Variants in SYT1 observed in about 807,000 individuals in gnomAD.
SYT1 encodes synaptotagmin-1.
In SYT1, 8 loss-of-function variants were observed where a neutral mutation model predicts 44.8. That is an observed-to-expected ratio of 0.18 (90% CI 0.10 to 0.32). The LOEUF is 0.32. SYT1 is among the 10% of genes least tolerant of loss of function. The pLI, the probability that SYT1 is intolerant of heterozygous loss-of-function variation, is 1.00. For synonymous variants in SYT1, 154 were observed against 188.8 expected, an observed-to-expected ratio of 0.82 and a Z score of 1.51; for missense variants, 286 against 509.3, an observed-to-expected ratio of 0.56 and a Z score of 4.22.
chr12:78,937,796 A>G (rs1878143240), intron 1 of SYT1, among the ~76,000 whole-genome samples: 1 of 152,172 alleles, frequency 6.6e-6, no homozygotes, highest in Non-Finnish European at 1.5e-5. Context: ...ATAATTCAGA[A>G]TAAATTTGCT....
At chr12:78,904,820 A>G (rs544776959) in intron 1 of SYT1, among the ~76,000 whole-genome samples, 1 of 152,260 alleles carries the variant, frequency 6.6e-6, no homozygotes, top group African/African-American at 2.4e-5. Context: ...TATAATTGTC[A>G]TTGGCAATTA....
chr12:79,151,003 G>A (rs1338770237), intron 3 of SYT1, among the ~76,000 whole-genome samples: 6 of 152,140 alleles, frequency 3.9e-5, no homozygotes, highest in East Asian at 1.9e-4. Context: ...GCGACTCCTC[G>A]AGATAAGAAA....
At chr12:79,301,360 T>C (rs1056597592) in intron 8 of SYT1, among the ~76,000 whole-genome samples, 1 of 152,146 alleles carries the variant, frequency 6.6e-6, no homozygotes, top group Admixed American at 6.6e-5. Context: ...GCTAAGGGAA[T>C]GTGGACCATT....
chr12:79,057,259 G>A (rs1875024342), intron 3 of SYT1, among the ~76,000 whole-genome samples: 1 of 151,908 alleles, frequency 6.6e-6, no homozygotes, highest in Admixed American at 6.6e-5. Context: ...AATATGAATT[G>A]CTTAATCCTG....
At chr12:79,335,599 A>G (rs1882055061) in intron 8 of SYT1, among the ~76,000 whole-genome samples, 1 of 152,164 alleles carries the variant, frequency 6.6e-6, no homozygotes, top group African/African-American at 2.4e-5. Flanking sequence ...AATAATATGT[A>G]ACATTGATAA....
At chr12:79,284,740 G>C (rs989781160) in intron 4 of SYT1, among the ~76,000 whole-genome samples, 17 of 151,774 alleles carry the variant, frequency 1.1e-4, no homozygotes, top group African/African-American at 3.9e-4. Context: ...TCGGGACGCT[G>C]AGGCAGGGGA....
At chr12:78,957,619 T>G (rs558972897) in intron 1 of SYT1, among the ~76,000 whole-genome samples, 40 of 152,164 alleles carry the variant, frequency 2.6e-4, no homozygotes, top group Non-Finnish European at 5.6e-4. Flanking sequence ...TGTTTCTTTT[T>G]AAAGGAAAAG....
At chr12:79,146,159 A>G (rs1424122550) in intron 3 of SYT1, among the ~76,000 whole-genome samples, 1 of 152,216 alleles carries the variant, frequency 6.6e-6, no homozygotes, top group Non-Finnish European at 1.5e-5. Flanking sequence ...GTTTTTAATC[A>G]TGAGAATGTA....
intron 4 of SYT1, among the ~76,000 whole-genome samples, chr12:79,278,438 CAG>C (rs148570738): frequency 0.058 from 8,765 of 152,004 alleles, 326 homozygotes; most frequent in African/African-American, 0.096. Context: ...GAAATTAAGA[CAG>C]AAATTTTTAA....
At chr12:79,169,069 A>G (rs1420312920) in intron 3 of SYT1, among the ~76,000 whole-genome samples, 2 of 152,094 alleles carry the variant, frequency 1.3e-5, no homozygotes, top group Admixed American at 1.3e-4. Flanking sequence ...CATTGAAATT[A>G]TGGATGAATC....
intron 8 of SYT1, among the ~76,000 whole-genome samples, chr12:79,350,243 ATTC>A (rs1332768505): frequency 3.9e-5 from 5 of 129,438 alleles, no homozygotes; most frequent in Non-Finnish European, 8.1e-5. Flanking sequence ...CAGGATGCAT[ATTC>A]TTTTTTTTTT....
intron 3 of SYT1, among the ~76,000 whole-genome samples, chr12:79,206,862 G>A (rs1024101811): frequency 1.3e-5 from 2 of 152,198 alleles, no homozygotes; most frequent in Admixed American, 6.5e-5. Flanking sequence ...AACTCAGATC[G>A]AGGTGAAAAC....
chr12:79,022,116 A>T (rs1313733809), intron 2 of SYT1, among the ~76,000 whole-genome samples: 3 of 151,830 alleles, frequency 2.0e-5, no homozygotes, highest in African/African-American at 7.2e-5. Flanking sequence ...AAAAAGAGGA[A>T]ACTTACTTTC....
intron 3 of SYT1, among the ~76,000 whole-genome samples, chr12:79,121,133 A>G (rs1444934658): frequency 6.6e-6 from 1 of 151,994 alleles, no homozygotes; most frequent in African/African-American, 2.4e-5. Flanking sequence ...GTCTTCCTTC[A>G]GATTACTCCT....
intron 1 of SYT1, among the ~76,000 whole-genome samples, chr12:78,896,014 A>T (rs1281646470): frequency 6.6e-6 from 1 of 151,788 alleles, no homozygotes; most frequent in Non-Finnish European, 1.5e-5. Flanking sequence ...ATTATACCTA[A>T]TTTAAAGCTG....
intron 9 of SYT1, among the ~76,000 whole-genome samples, chr12:79,410,370 G>A (rs1868364945): frequency 6.6e-6 from 1 of 151,990 alleles, no homozygotes; most frequent in Admixed American, 6.6e-5. Context: ...AATCAGGGGT[G>A]TTCAAGGGCG....
chr12:79,016,585 T>C (rs1343898679), intron 2 of SYT1, among the ~76,000 whole-genome samples: 1 of 152,158 alleles, frequency 6.6e-6, no homozygotes, highest in African/African-American at 2.4e-5. Context: ...TCCTCTGGTA[T>C]ATTTATACAT....
intron 2 of SYT1, among the ~76,000 whole-genome samples, chr12:79,039,479 C>T (rs980550927): frequency 6.6e-6 from 1 of 151,880 alleles, no homozygotes; most frequent in African/African-American, 2.4e-5. Flanking sequence ...AAAGACAAGG[C>T]ATTTATACAT....
At chr12:79,423,881 G>T (rs1446183825) in intron 9 of SYT1, among the ~76,000 whole-genome samples, 6 of 151,308 alleles carry the variant, frequency 4.0e-5, no homozygotes, top group African/African-American at 9.7e-5. Context: ...ACCGGCTCTG[G>T]GTTAGCATTA....
Sources: gnomAD v4.1 joint callset for allele counts (sites outside exome capture counted in the v4.1 genomes callset) on GRCh38, gnomAD v4.1.1 for gene constraint, MANE v1.5 for transcripts, NCBI Gene and HGNC (gene_info 2026-07-23, HGNC 2026-07-21) for gene names.